The following CSMD1 variants were observed in gnomAD, a reference collection of about 807,000 sequenced individuals.
The protein encoded by CSMD1 is CUB and Sushi multiple domains 1.
Under a neutral mutation model 417.5 loss-of-function variants are expected in CSMD1, and 213 were observed. The observed-to-expected ratio is 0.51, with a 90% CI of 0.46 to 0.57. CSMD1 has a LOEUF of 0.57. CSMD1 is among the 20% of genes least tolerant of loss of function. The pLI is 0.00. For synonymous variants in CSMD1, 2,862 were observed against 1,736.8 expected (o/e 1.65, Z -16.11); for missense variants, 6,923 against 4,529.7 (o/e 1.53, Z -15.17).
chr8:3,230,017 T>C, intron 27 of CSMD1, 23 bp downstream of exon 27: 1 of 1,477,826 alleles, frequency 6.8e-7, no homozygotes, highest in Non-Finnish European at 9.0e-7. Flanking sequence ...AATATAAAAT[T>C]TCTAAGTTCT....
At chr8:3,174,309 C>T (rs1451895372) in intron 37 of CSMD1, among the ~76,000 whole-genome samples, 2 of 152,092 alleles carry the variant, frequency 1.3e-5, no homozygotes, top group African/African-American at 4.8e-5. Context: ...GCCTGGGCAA[C>T]ATGGTGAAAG....
At chr8:3,143,240 A>C (rs1348309116) in intron 40 of CSMD1, among the ~76,000 whole-genome samples, 1 of 152,170 alleles carries the variant, frequency 6.6e-6, no homozygotes, top group Non-Finnish European at 1.5e-5. Context: ...GGTGGCTTTT[A>C]CTAACTGGAC....
intron 12 of CSMD1, among the ~76,000 whole-genome samples, chr8:3,460,236 G>A (rs921782697): frequency 3.9e-5 from 6 of 152,138 alleles, no homozygotes; most frequent in Admixed American, 3.9e-4. Flanking sequence ...TGATCTACAT[G>A]GTGAGTCCAT....
rs111945756 is a variant in CSMD1, at chr8:4,029,855, A to G, written c.610+2050T>C. On this transcript the variant is annotated intron_variant, in intron 4 of 69. Transcript: ENST00000635120. ...TACTTCCTAGACAAATGCAGGCACAAGAATTGGGTAAATACAGCCATTCAA... is the reference window on the plus strand; with the variant it reads ...TACTTCCTAGACAAATGCAGGCACAGGAATTGGGTAAATACAGCCATTCAA... Among the ~76,000 whole-genome samples the G allele has an allele frequency of 1.8e-3, 271 of 152,204 alleles. 1 individual carries two copies. Among genetic ancestry groups the G allele is most frequent in the East Asian group, 7.7e-3 (40 of 5,170 alleles).
At chr8:4,346,048 G>C (rs888059369) in intron 3 of CSMD1, among the ~76,000 whole-genome samples, 1 of 152,086 alleles carries the variant, frequency 6.6e-6, no homozygotes, top group African/African-American at 2.4e-5. Context: ...TATCCAGATT[G>C]TTCATGGTCC....
chr8:3,963,816 A>C (rs1004071665), intron 5 of CSMD1, among the ~76,000 whole-genome samples: 10 of 152,334 alleles, frequency 6.6e-5, no homozygotes, highest in Middle Eastern at 3.4e-3. Context: ...TTGAAATAAA[A>C]TCAACATCAA....
chr8:3,674,367 C>A (rs552549953), intron 7 of CSMD1, among the ~76,000 whole-genome samples: 2 of 151,986 alleles, frequency 1.3e-5, no homozygotes, highest in African/African-American at 4.8e-5. Context: ...ATTATCATCA[C>A]GAGCTAAGTA....
chr8:3,101,909 C>T (rs1421446243), intron 46 of CSMD1, among the ~76,000 whole-genome samples: 1 of 149,642 alleles, frequency 6.7e-6, no homozygotes. Flanking sequence ...TCAAGCAATT[C>T]TCCAGCCTCA....
chr8:4,509,966 C>T (rs1802727976), intron 2 of CSMD1, among the ~76,000 whole-genome samples: 1 of 152,092 alleles, frequency 6.6e-6, no homozygotes, highest in South Asian at 2.1e-4. Flanking sequence ...TTTGCTGTGT[C>T]TCCACCCAAA....
intron 1 of CSMD1, among the ~76,000 whole-genome samples, chr8:4,786,189 T>C (rs929547262): frequency 2.0e-5 from 3 of 152,350 alleles, no homozygotes; most frequent in Admixed American, 6.5e-5. Context: ...TCTACCATCT[T>C]GGCTCTTAAG....
At chr8:4,847,844 T>A (rs965010726) in intron 1 of CSMD1, among the ~76,000 whole-genome samples, 1 of 151,896 alleles carries the variant, frequency 6.6e-6, no homozygotes, top group Non-Finnish European at 1.5e-5. Context: ...AAAGTATAAA[T>A]TTCAGTGTTT....
At chr8:4,275,755 C>T (rs1161931361) in intron 3 of CSMD1, among the ~76,000 whole-genome samples, 2 of 152,130 alleles carry the variant, frequency 1.3e-5, no homozygotes, top group Admixed American at 6.6e-5. Context: ...CTGTGCAAAA[C>T]ACTTTAGTCA....
chr8:3,144,230 G>A (rs1057457183), intron 40 of CSMD1, among the ~76,000 whole-genome samples: 2 of 152,066 alleles, frequency 1.3e-5, no homozygotes, highest in Non-Finnish European at 1.5e-5. Context: ...GCAGAGTGAA[G>A]TTTAACCCCG....
intron 11 of CSMD1, among the ~76,000 whole-genome samples, chr8:3,485,762 A>AAAAATAAAATAAAATAAAAT (rs66605905): frequency 2.1e-3 from 230 of 110,842 alleles, no homozygotes; most frequent in African/African-American, 5.9e-3. Context: ...TCAGCCTCAA[A>AAAAATAAAATAAAATAAAAT]AAAATAAAAT....
intron 40 of CSMD1, among the ~76,000 whole-genome samples, chr8:3,143,622 A>G (rs1038820419): frequency 2.6e-5 from 4 of 152,226 alleles, no homozygotes; most frequent in South Asian, 2.1e-4. Context: ...TAGTCTTTGC[A>G]TAAGTCCATG....
intron 1 of CSMD1, among the ~76,000 whole-genome samples, chr8:4,674,028 T>C (rs1447732962): frequency 2.6e-5 from 4 of 152,214 alleles, no homozygotes; most frequent in Non-Finnish European, 5.9e-5. Flanking sequence ...GTATGAGAAG[T>C]ATATCTCAAT....
At chr8:4,129,307 C>T (rs1802953185) in intron 3 of CSMD1, among the ~76,000 whole-genome samples, 1 of 152,024 alleles carries the variant, frequency 6.6e-6, no homozygotes, top group African/African-American at 2.4e-5. Context: ...TATCTTCTCC[C>T]TCTTTTCATG....
At chr8:4,159,047 C>A (rs1796997106) in intron 3 of CSMD1, among the ~76,000 whole-genome samples, 1 of 152,108 alleles carries the variant, frequency 6.6e-6, no homozygotes, top group Non-Finnish European at 1.5e-5. Flanking sequence ...TCCATAGTAA[C>A]TGGGATTACA....
At chr8:4,512,252 A>T (rs1404820034) in intron 2 of CSMD1, among the ~76,000 whole-genome samples, 3 of 152,170 alleles carry the variant, frequency 2.0e-5, no homozygotes, top group African/African-American at 7.2e-5. Flanking sequence ...TGATTCAAAA[A>T]ATATCCTCAG....
Sources: allele counts gnomAD v4.1 joint callset (sites outside exome capture counted in the v4.1 genomes callset), GRCh38; gene constraint gnomAD v4.1.1; transcripts MANE v1.5; gene names NCBI Gene and HGNC (gene_info 2026-07-23, HGNC 2026-07-21).